The following PAM variants were observed in gnomAD, a reference collection of about 807,000 sequenced individuals.
PAM encodes the protein peptidyl-glycine alpha-amidating monooxygenase.
In PAM, 72 loss-of-function variants were observed where a neutral mutation model predicts 122.1. That is an observed-to-expected ratio of 0.59 (90% CI 0.49 to 0.72). The LOEUF (loss-of-function observed/expected upper bound fraction) is 0.72. Ranked by LOEUF, PAM falls within the 30% of genes least tolerant of loss-of-function variation. PAM has a pLI of 0.00. For synonymous variants in PAM, 389 were observed against 404.4 expected (o/e 0.96, Z 0.46); for missense variants, 1,106 against 1,183.7 (o/e 0.93, Z 0.96).
At chr5:102,771,384 A>T (rs1229270086) in intron 1 of PAM, among the ~76,000 whole-genome samples, 1 of 152,134 alleles carries the variant, frequency 6.6e-6, no homozygotes, top group African/African-American at 2.4e-5. Context: ...AGTGGGAATG[A>T]AATTGAAGTT....
At chr5:102,829,332 A>G (rs1774672105) in intron 1 of PAM, among the ~76,000 whole-genome samples, 1 of 151,972 alleles carries the variant, frequency 6.6e-6, no homozygotes, top group African/African-American at 2.4e-5. Flanking sequence ...ATAGTCGTTA[A>G]ATAAGAAAGC....
At chr5:102,964,686 A>G (rs960023822) in intron 14 of PAM, among the ~76,000 whole-genome samples, 2 of 151,944 alleles carry the variant, frequency 1.3e-5, no homozygotes, top group Admixed American at 1.3e-4. Flanking sequence ...ACATGAGTAC[A>G]TATATGTATG....
At chr5:102,966,905 C>G (rs184776696) in intron 14 of PAM, among the ~76,000 whole-genome samples, 71 of 152,054 alleles carry the variant, frequency 4.7e-4, no homozygotes, top group African/African-American at 1.7e-3. Flanking sequence ...AATTTATATT[C>G]TGGAAAGTTC....
At chr5:102,867,150 TAG>T (rs1785853912) in intron 2 of PAM, 121 bp from the exon 3 acceptor site, 1 of 617,612 alleles carries the variant, frequency 1.6e-6, no homozygotes, top group Non-Finnish European at 2.8e-6. Flanking sequence ...ATCACATCTT[TAG>T]AGTTTTCATT....
At chr5:102,900,971 GAAATT>G (rs1181650815) in intron 3 of PAM, among the ~76,000 whole-genome samples, 2 of 151,562 alleles carry the variant, frequency 1.3e-5, no homozygotes, top group Non-Finnish European at 3.0e-5. Context: ...AGTGATTCAG[GAAATT>G]AAATATTTAA....
chr5:102,844,070 A>C (rs1028246344), intron 1 of PAM, among the ~76,000 whole-genome samples: 1 of 152,226 alleles, frequency 6.6e-6, no homozygotes. Flanking sequence ...AATGTCCTTC[A>C]AAAGGTGAAC....
At chr5:102,906,868 T>G (rs1799714998) in intron 4 of PAM, among the ~76,000 whole-genome samples, 2 of 151,772 alleles carry the variant, frequency 1.3e-5, no homozygotes, top group South Asian at 4.1e-4. Context: ...TGTAGGAAAT[T>G]AATAGTGGAC....
At position 102,865,860 on chromosome 5, in the gene PAM, C is replaced by T; in HGVS notation, c.-336C>T. On this transcript the variant is annotated 5_prime_UTR_variant, in exon 2 of 26. Transcript: ENST00000438793. ...GACTGACGCGGGTTTGGGTGATACC[C>T]CTCACAGCCCCTGTCATTCCGGAGT... is the stretch of plus-strand genomic sequence containing the variant. 3.5e-6 allele frequency: 1 copy of T among 282,848 alleles called. No homozygotes were observed. Among genetic ancestry groups the T allele is most frequent in the Non-Finnish European group, 6.5e-6 (1 of 154,198 alleles). The allele number at this position is 282,848 out of a possible 1,614,324, so 17.5% of individuals were successfully genotyped here. A position where few individuals can be genotyped will look rare whatever the true frequency, so the allele number is the denominator to read the frequency against.
At chr5:102,892,433 T>C (rs780878003) in intron 3 of PAM, among the ~76,000 whole-genome samples, 13 of 151,866 alleles carry the variant, frequency 8.6e-5, no homozygotes, top group Admixed American at 6.6e-4. Flanking sequence ...GTTGGTCTTC[T>C]GCAATTTGCA....
chr5:102,932,898 C>A (rs1231284564), intron 7 of PAM, among the ~76,000 whole-genome samples: 1 of 152,106 alleles, frequency 6.6e-6, no homozygotes, highest in Admixed American at 6.6e-5. Flanking sequence ...TAACTGGGCT[C>A]ATTGCCATCT....
chr5:102,768,999 T>C (rs1488009800), intron 1 of PAM, among the ~76,000 whole-genome samples: 1 of 152,190 alleles, frequency 6.6e-6, no homozygotes, highest in African/African-American at 2.4e-5. Flanking sequence ...TTCCACATCC[T>C]CACCAGCGTT....
chr5:102,990,089 T>A (rs1773571574), intron 15 of PAM, 183 bp from the exon 16 acceptor site: 1 of 376,426 alleles, frequency 2.7e-6, no homozygotes, highest in Non-Finnish European at 4.7e-6. Context: ...AGTCACTTCA[T>A]CACTCAGAAA....
Position 102,868,558 on chromosome 5 carries a change from C to T in PAM, c.210+1165C>T, listed in dbSNP as rs567654746. On this transcript the variant is annotated intron_variant, in intron 3 of 25. Coordinates refer to ENST00000438793, the MANE Select transcript of PAM (RefSeq NM_001177306.2). The stretch of plus-strand genomic sequence containing the variant: ...ATAAGCTTTTTATTTAGTATTTAAC[C>T]GCAAAAAGTGTAATGAGATTGAGAC... Among the ~76,000 whole-genome samples the T allele has an allele frequency of 1.1e-4, 16 of 152,186 alleles. No individual in the cohort carries two copies. In the East Asian group the frequency reaches 1.4e-3, roughly 13 times the overall value.
intron 1 of PAM, among the ~76,000 whole-genome samples, chr5:102,850,247 T>C (rs567264413): frequency 4.5e-4 from 69 of 152,316 alleles, no homozygotes; most frequent in Non-Finnish European, 7.8e-4. Context: ...TCTTCTGAAC[T>C]GAGGATGTTT....
chr5:102,938,893 T>C (rs1754158363), intron 7 of PAM, among the ~76,000 whole-genome samples: 1 of 152,164 alleles, frequency 6.6e-6, no homozygotes, highest in Non-Finnish European at 1.5e-5. Flanking sequence ...CCTTTCACGC[T>C]GTTCCCCACT....
intron 4 of PAM, among the ~76,000 whole-genome samples, chr5:102,906,526 AG>A (rs1319787273): frequency 6.6e-6 from 1 of 151,698 alleles, no homozygotes; most frequent in Non-Finnish European, 1.5e-5. Flanking sequence ...TAAAAGAGCA[AG>A]CTCTGAGCCA....
At chr5:102,956,755 A>G (rs976613285) in intron 12 of PAM, among the ~76,000 whole-genome samples, 1 of 152,008 alleles carries the variant, frequency 6.6e-6, no homozygotes, top group Admixed American at 6.6e-5. Context: ...AATTTAATTT[A>G]GTAAGAGTAA....
chr5:102,787,986 G>A (rs955324780), intron 1 of PAM, among the ~76,000 whole-genome samples: 1 of 152,060 alleles, frequency 6.6e-6, no homozygotes, highest in African/African-American at 2.4e-5. Flanking sequence ...AACTAAAATA[G>A]TATCATATCT....
chr5:102,795,716 C>A (rs74680078), intron 1 of PAM, among the ~76,000 whole-genome samples: 3,998 of 152,216 alleles, frequency 0.026, 105 homozygotes, highest in East Asian at 0.14. Context: ...TGGTGATTGA[C>A]CTTGATCCCT....
Sources: allele counts gnomAD v4.1 joint callset (sites outside exome capture counted in the v4.1 genomes callset), GRCh38; gene constraint gnomAD v4.1.1; transcripts MANE v1.5; gene names NCBI Gene and HGNC (gene_info 2026-07-23, HGNC 2026-07-21).